RGS6: variants seen among roughly 807,000 people sequenced by gnomAD.
The protein encoded by RGS6 is regulator of G protein signaling 6, also known as regulator of G-protein signaling 6.
RGS6 carries 30 observed loss-of-function variants against 78.5 expected under a neutral mutation model. The observed-to-expected ratio is 0.38, with a 90% CI of 0.29 to 0.52. The LOEUF is 0.52. RGS6 is among the 20% of genes least tolerant of loss of function. The pLI, the probability that RGS6 is intolerant of heterozygous loss-of-function variation, is 0.85. For synonymous variants in RGS6, 206 were observed against 206.0 expected, an observed-to-expected ratio of 1.00 and a Z score of 0.00; for missense variants, 495 against 609.7, an observed-to-expected ratio of 0.81 and a Z score of 1.98.
At chr14:72,556,904 G>A (rs1447938939) in intron 17 of RGS6, among the ~76,000 whole-genome samples, 2 of 152,138 alleles carry the variant, frequency 1.3e-5, no homozygotes, top group East Asian at 3.9e-4. Context: ...TTGTGATATA[G>A]CTTCCTATTT....
chr14:72,397,120 TATAAATTACCTTGGGC>T (rs1227061613), intron 3 of RGS6, among the ~76,000 whole-genome samples: 5 of 152,240 alleles, frequency 3.3e-5, no homozygotes, highest in Admixed American at 6.5e-5. Flanking sequence ...GCATTGAATC[TATAAATTACCTTGGGC>T]ATAAATTACC....
At chr14:72,561,863 C>G (rs2097680862) in intron 17 of RGS6, among the ~76,000 whole-genome samples, 1 of 152,212 alleles carries the variant, frequency 6.6e-6, no homozygotes, top group African/African-American at 2.4e-5. Context: ...ATGCCCCCCA[C>G]TTTCATGGTC....
chr14:72,593,808 T>G, the RGS6 span, among the ~76,000 whole-genome samples: 1 of 152,156 alleles, frequency 6.6e-6, no homozygotes. Context: ...AAAAAATTAT[T>G]GGGCCACCCC....
chr14:72,433,697 G>A (rs1225235249), intron 3 of RGS6, among the ~76,000 whole-genome samples: 2 of 152,040 alleles, frequency 1.3e-5, no homozygotes, highest in Non-Finnish European at 1.5e-5. Flanking sequence ...CCTTCCGAGT[G>A]TACAAGATGA....
At chr14:72,021,560 C>T (rs1447248555) in intron 2 of RGS6, among the ~76,000 whole-genome samples, 1 of 150,092 alleles carries the variant, frequency 6.7e-6, no homozygotes, top group Non-Finnish European at 1.5e-5. Context: ...GCTCTGCCTC[C>T]TAGGTTCAAG....
chr14:72,567,114 G>A (rs973943557), downstream of RGS6, among the ~76,000 whole-genome samples: 3 of 152,208 alleles, frequency 2.0e-5, no homozygotes, highest in African/African-American at 7.2e-5. Flanking sequence ...ACACCTAGCT[G>A]CATACTTCAG....
intron 2 of RGS6, among the ~76,000 whole-genome samples, chr14:72,211,161 C>A (rs533515990): frequency 6.6e-6 from 1 of 152,174 alleles, no homozygotes; most frequent in Admixed American, 6.5e-5. Context: ...GAAAAGATGT[C>A]CAGAGACAAA....
chr14:72,165,472 C>A (rs1268771272), intron 2 of RGS6, among the ~76,000 whole-genome samples: 6 of 152,198 alleles, frequency 3.9e-5, no homozygotes, highest in African/African-American at 1.4e-4. Context: ...TGCTGTATAG[C>A]CAACATCTTT....
At chr14:72,418,630 T>C (rs1338651465) in intron 3 of RGS6, among the ~76,000 whole-genome samples, 1 of 152,238 alleles carries the variant, frequency 6.6e-6, no homozygotes, top group Non-Finnish European at 1.5e-5. Context: ...CATCCACTGC[T>C]GAGCTCTAAC....
At chr14:72,097,432 TG>T (rs1352276579) in intron 2 of RGS6, among the ~76,000 whole-genome samples, 1 of 152,216 alleles carries the variant, frequency 6.6e-6, no homozygotes, top group East Asian at 1.9e-4. Context: ...CTCTTTACTT[TG>T]GTCTTTGGTG....
intron 2 of RGS6, among the ~76,000 whole-genome samples, chr14:72,269,852 C>A (rs2059665352): frequency 6.6e-6 from 1 of 152,140 alleles, no homozygotes; most frequent in Non-Finnish European, 1.5e-5. Context: ...AGGTGTGAGC[C>A]ACTGCACCCA....
At chr14:72,093,780 C>T (rs1030844615) in intron 2 of RGS6, among the ~76,000 whole-genome samples, 1 of 152,058 alleles carries the variant, frequency 6.6e-6, no homozygotes, top group Non-Finnish European at 1.5e-5. Flanking sequence ...ACCTTATGCA[C>T]GTGAGCAAGC....
At chr14:72,184,785 G>A (rs1276884041) in intron 2 of RGS6, among the ~76,000 whole-genome samples, 2 of 152,154 alleles carry the variant, frequency 1.3e-5, no homozygotes, top group Non-Finnish European at 2.9e-5. Flanking sequence ...AAAAAGTATT[G>A]TTTGCACAAA....
At chr14:72,268,240 CCT>C (rs1176246547) in intron 2 of RGS6, among the ~76,000 whole-genome samples, 1 of 152,138 alleles carries the variant, frequency 6.6e-6, no homozygotes, top group Non-Finnish European at 1.5e-5. Context: ...CTCATGAGGC[CCT>C]CTTTCGTTAA....
Position 72,536,257 on chromosome 14 carries a change from G to T in RGS6, c.1350G>T (p.Leu450Phe), listed in dbSNP as rs745432859. 6.8e-6 allele frequency: 11 copies of T among 1,613,736 alleles called. No homozygotes were observed. In the Admixed American group the frequency reaches 1.5e-4, roughly 22 times the overall value. ...TCCGGTCAAATGCTTACCAGGATTT[G>T]CTGCTGGCCAAGAAGAAGGTATCTT... The part of the protein sequence containing the change: ...RFLRSNAYQD[L>F]LLAKKKPESE... The change falls in exon 16 of 18, where the codon TTG becomes TTT. Residue 450 changes from leucine to phenylalanine, a missense_variant. By Grantham distance (22) the Leu-to-Phe change is conservative (BLOSUM62 0). Transcript: ENST00000553525.
the RGS6 span, among the ~76,000 whole-genome samples, chr14:71,889,692 GT>G: frequency 1.3e-5 from 2 of 152,152 alleles, no homozygotes; most frequent in Non-Finnish European, 2.9e-5. Flanking sequence ...CTATGTTGTT[GT>G]TTTGCCAAGT....
Position 72,562,882 on chromosome 14 carries a change from G to A in RGS6, c.*415G>A, listed in dbSNP as rs2089439971. On this transcript the variant is annotated 3_prime_UTR_variant, in exon 18 of 18. Coordinates refer to ENST00000553525, the MANE Select transcript of RGS6 (RefSeq NM_001204424.2). ...TCTGGCAAATTCAAGAGGCATGAGT[G>A]GACCGAGAGCACATCCAGCATTTGC... The A allele has an allele frequency of 1.2e-6, 1 of 835,798 alleles. No individual in the cohort carries two copies. The highest frequency in any genetic ancestry group is 2.0e-5 in the Admixed American group (1 of 49,238). The allele number at this position is 835,798 out of a possible 1,614,324, so 51.8% of individuals were successfully genotyped here.
chr14:72,529,212 G>A (rs1221816777), intron 15 of RGS6, among the ~76,000 whole-genome samples: 1 of 152,216 alleles, frequency 6.6e-6, no homozygotes, highest in Non-Finnish European at 1.5e-5. Flanking sequence ...CCAGGCCAGA[G>A]GGAGGCTGAA....
At chr14:72,334,261 C>G (rs2075617042) in intron 2 of RGS6, among the ~76,000 whole-genome samples, 1 of 152,248 alleles carries the variant, frequency 6.6e-6, no homozygotes, top group African/African-American at 2.4e-5. Flanking sequence ...ATGCCAAACC[C>G]CAATTATCTG....
Sources: allele counts gnomAD v4.1 joint callset (sites outside exome capture counted in the v4.1 genomes callset), GRCh38; gene constraint gnomAD v4.1.1; transcripts MANE v1.5; gene names NCBI Gene and HGNC (gene_info 2026-07-23, HGNC 2026-07-21).